Variants in SCNN1G observed in about 807,000 individuals in gnomAD.
SCNN1G encodes epithelial sodium channel subunit gamma.
In SCNN1G, 27 loss-of-function variants were observed where a neutral mutation model predicts 64.6. The observed-to-expected ratio is 0.42, with a 90% confidence interval of 0.31 to 0.58. The LOEUF (loss-of-function observed/expected upper bound fraction) is 0.58. SCNN1G is among the 20% of genes least tolerant of loss of function. The pLI, the probability that SCNN1G is intolerant of heterozygous loss-of-function variation, is 0.18. For missense variants in SCNN1G, 743 were observed against 823.4 expected (o/e 0.90, Z 1.19); for synonymous variants, 330 against 314.2 (o/e 1.05, Z -0.53).
At chr16:23,212,532 T>G in intron 8 of SCNN1G, 146 bp from the exon 9 acceptor site, 1 of 743,592 alleles carries the variant, frequency 1.3e-6, no homozygotes, top group Non-Finnish European at 2.4e-6. Context: ...AACATCACAA[T>G]GCAATATGTG....
At chr16:23,183,312 G>A (rs9924110) in intron 1 of SCNN1G, among the ~76,000 whole-genome samples, 1,681 of 152,362 alleles carry the variant, frequency 0.011, 27 homozygotes, top group African/African-American at 0.035. Context: ...CGCTCGCTCC[G>A]CGCAGGGAGG....
At position 23,186,502 on chromosome 16, in the gene SCNN1G, C is replaced by T. The variant is rs996383476; in HGVS notation, c.231C>T (p.Ser77=). 6.2e-7 allele frequency: 1 copy of T among 1,614,082 alleles called. No individual in the cohort carries two copies. Among genetic ancestry groups the T allele is most frequent in the Non-Finnish European group, 8.5e-7 (1 of 1,180,030 alleles). ...GGCAGTGCGCCCTCCTCGTCTTCTCCTTCTATACTGTCTCAGTTTCCATCA... is the reference window on the plus strand; with the variant it reads ...GGCAGTGCGCCCTCCTCGTCTTCTCTTTCTATACTGTCTCAGTTTCCATCA... ...ILWQCALLVF[S]FYTVSVSIKV... The change falls in exon 2 of 13, where the codon TCC becomes TCT. Residue 77 remains serine (S), a synonymous_variant. Coordinates refer to ENST00000300061, the MANE Select transcript of SCNN1G (RefSeq NM_001039.4).
At position 23,215,515 on chromosome 16, in the gene SCNN1G, C is replaced by G. The variant is rs768389635; in HGVS notation, c.*46C>G. ...TCTAGTCAGGACCACCAGCCATGGT[C>G]TAAGGACATGGATCGGGTGCCCCCA... On this transcript the variant is annotated 3_prime_UTR_variant, in exon 13 of 13. Coordinates refer to ENST00000300061, the MANE Select transcript of SCNN1G (RefSeq NM_001039.4). 6.3e-7 allele frequency: 1 copy of G among 1,599,272 alleles called. No homozygotes were observed. The highest frequency in any genetic ancestry group is 8.5e-7 in the Non-Finnish European group (1 of 1,178,474).
At chr16:23,214,960 G>T in intron 12 of SCNN1G, 129 bp from the exon 13 acceptor site, 1 of 1,210,244 alleles carries the variant, frequency 8.3e-7, no homozygotes, top group East Asian at 2.4e-5. Context: ...CAGGAAGGCT[G>T]CCTGCTTCTT....
intron 8 of SCNN1G, 53 bp downstream of exon 8, chr16:23,212,204 G>T: frequency 8.1e-7 from 1 of 1,232,814 alleles, no homozygotes. Context: ...GGTCAGCCTA[G>T]TCCTGGCAAT....
At chr16:23,202,302 G>A (rs1567266554) in intron 6 of SCNN1G, among the ~76,000 whole-genome samples, 1 of 151,808 alleles carries the variant, frequency 6.6e-6, no homozygotes, top group Non-Finnish European at 1.5e-5. Context: ...ATGGATGGAT[G>A]GATGGATGGA....
chr16:23,188,299 A>T (rs1242454220), intron 2 of SCNN1G, among the ~76,000 whole-genome samples: 1 of 152,204 alleles, frequency 6.6e-6, no homozygotes, highest in African/African-American at 2.4e-5. Flanking sequence ...GCTTGAGGCC[A>T]GGAATTCGAG....
rs1228257153 is a variant in SCNN1G, at chr16:23,197,895, T to A, written c.1077+468T>A. ...CTCCATCTCAAAAAAAAAAAAAGGT[T>A]GTATTTGTATGGATTAATAGGACAG... On this transcript the variant is annotated intron_variant, in intron 6 of 12. Transcript: ENST00000300061. Among the ~76,000 whole-genome samples the A allele has an allele frequency of 5.4e-5, 8 of 148,972 alleles. No individual in the cohort carries two copies. In the South Asian group the frequency reaches 1.5e-3, roughly 28 times the overall value.
chr16:23,187,100 CCTTTT>C (rs1278381221), intron 2 of SCNN1G, among the ~76,000 whole-genome samples: 7 of 146,968 alleles, frequency 4.8e-5, no homozygotes, highest in Non-Finnish European at 7.5e-5. Context: ...CAGTACCTGG[CCTTTT>C]CTTTTTTTTT....
At chr16:23,191,332 C>A (rs1052055449) in intron 3 of SCNN1G, among the ~76,000 whole-genome samples, 1 of 152,142 alleles carries the variant, frequency 6.6e-6, no homozygotes, top group Non-Finnish European at 1.5e-5. Flanking sequence ...GAAAAATGGA[C>A]CTTCTTCTAA....
chr16:23,185,290 G>A (rs571151935), intron 1 of SCNN1G, among the ~76,000 whole-genome samples: 6 of 152,340 alleles, frequency 3.9e-5, no homozygotes, highest in South Asian at 4.1e-4. Context: ...TATAGAGAGA[G>A]ACAAATTTAC....
At chr16:23,204,334 T>TATATATATATATATAGAGAG (rs1567267153) in intron 6 of SCNN1G, among the ~76,000 whole-genome samples, 1 of 15,176 alleles carries the variant, frequency 6.6e-5, no homozygotes, top group Non-Finnish European at 1.1e-4. Context: ...TATATATATA[T>TATATATATATATATAGAGAG]AGAGAGAGAG....
rs1443107077 is a variant in SCNN1G at position 23,204,312 on chromosome 16, TATATATATATATATATATATATAGAG to T, written c.1078-5436_1078-5411del. Among the ~76,000 whole-genome samples the T allele has an allele frequency of 2.4e-4, 19 of 79,884 alleles. No homozygotes were observed. The East Asian group carries it at 7.4e-3, about 31-fold the overall frequency. 52.4% of individuals were successfully genotyped at this position (79,884 alleles called of 152,430 possible). ...ACATATATATATATATATATATATATATATATATATATATATATATATAGAGAGAGAGAGAGAGAGAGAGAGAGAGA... is the reference window on the plus strand; with the variant it reads ...ACATATATATATATATATATATATATAGAGAGAGAGAGAGAGAGAGAGAGA... On this transcript the variant is annotated intron_variant, in intron 6 of 12. Transcript: ENST00000300061.
chr16:23,186,210 T>A lies in SCNN1G; in HGVS notation c.-44-18T>A. ...TAGTGCCTGCCAGCTCACCTGCTTC[T>A]CTTCTTTGCCCCTCCAGCACGCCCG... On this transcript the variant is annotated intron_variant, in intron 1 of 12. Transcript: ENST00000300061. 6.4e-7 allele frequency: 1 copy of A among 1,553,494 alleles called. No individual in the cohort carries two copies. Among genetic ancestry groups the A allele is most frequent in the Non-Finnish European group, 8.9e-7 (1 of 1,125,840 alleles).
At chr16:23,210,369 T>C (rs541843563) in intron 7 of SCNN1G, among the ~76,000 whole-genome samples, 58 of 152,306 alleles carry the variant, frequency 3.8e-4, no homozygotes, top group African/African-American at 1.3e-3. Context: ...AAAATCCAGA[T>C]TTCCAGCCTC....
At chr16:23,208,197 G>C (rs1391644249) in intron 6 of SCNN1G, among the ~76,000 whole-genome samples, 1 of 152,020 alleles carries the variant, frequency 6.6e-6, no homozygotes, top group African/African-American at 2.4e-5. Flanking sequence ...AAACATCATT[G>C]AAGCCAGGTG....
At chr16:23,193,008 G>A (rs1959734616) in intron 4 of SCNN1G, among the ~76,000 whole-genome samples, 1 of 134,428 alleles carries the variant, frequency 7.4e-6, no homozygotes, top group Non-Finnish European at 1.5e-5. Flanking sequence ...GGCGGAGGTT[G>A]CAATAAGCCA....
At chr16:23,201,843 C>T (rs1359169323) in intron 6 of SCNN1G, among the ~76,000 whole-genome samples, 1 of 152,186 alleles carries the variant, frequency 6.6e-6, no homozygotes, top group Non-Finnish European at 1.5e-5. Context: ...CAAGGTCTTG[C>T]TCTGTCATCC....
At chr16:23,193,080 A>C (rs1959737158) in intron 4 of SCNN1G, among the ~76,000 whole-genome samples, 1 of 149,586 alleles carries the variant, frequency 6.7e-6, no homozygotes, top group African/African-American at 2.4e-5. Flanking sequence ...AAAAAAAAAA[A>C]AAAAAAAAAA....
Sources: gnomAD v4.1 joint callset for allele counts (sites outside exome capture counted in the v4.1 genomes callset) on GRCh38, gnomAD v4.1.1 for gene constraint, MANE v1.5 for transcripts, NCBI Gene and HGNC (gene_info 2026-07-23, HGNC 2026-07-21) for gene names.